NOX4: variants seen among roughly 807,000 people sequenced by gnomAD.
NOX4 encodes NADPH oxidase 4.
In NOX4, 69 loss-of-function variants were observed where a neutral mutation model predicts 87.6. The observed-to-expected ratio is 0.79, with a 90% confidence interval of 0.65 to 0.96. The LOEUF is 0.96. Among genes scored for constraint, NOX4 ranks in the 40% least tolerant of loss-of-function variants. NOX4 has a pLI of 0.00. For missense variants in NOX4, 680 were observed against 681.5 expected, an observed-to-expected ratio of 1.00 and a Z score of 0.02; for synonymous variants, 275 against 238.2, an observed-to-expected ratio of 1.15 and a Z score of -1.42.
chr11:89,583,897 A>C, the NOX4 span, among the ~76,000 whole-genome samples: 1 of 152,208 alleles, frequency 6.6e-6, no homozygotes, highest in Admixed American at 6.6e-5. Context: ...GGAATGGATA[A>C]ATGAATGCAA....
At chr11:89,381,337 C>T (rs1008713370) in intron 11 of NOX4, among the ~76,000 whole-genome samples, 4 of 152,092 alleles carry the variant, frequency 2.6e-5, no homozygotes, top group Admixed American at 6.6e-5. Context: ...TGCACGTATA[C>T]ATCCAGATGG....
Position 89,325,631 on chromosome 11 carries a change from A to T in NOX4, c.*1125T>A, listed in dbSNP as rs1198486200. 1 of 152,056 alleles carries T rather than the reference A, an allele frequency of 6.6e-6. No homozygotes were observed. Among genetic ancestry groups the T allele is most frequent in the Non-Finnish European group, 1.5e-5 (1 of 68,020 alleles). The allele number at this position is 152,056 out of a possible 1,614,324, so 9.4% of individuals were successfully genotyped here. A position where few individuals can be genotyped will look rare whatever the true frequency, so the allele number is the denominator to read the frequency against. On this transcript the variant is annotated 3_prime_UTR_variant, in exon 18 of 18. Coordinates refer to ENST00000263317, the MANE Select transcript of NOX4 (RefSeq NM_016931.5). Reference sequence around the variant, plus strand: ...AATATCATATTTCCTCTTACTTAAAAGGTAAAATACAGGTTTTACTGTTCA... The same window carrying T: ...AATATCATATTTCCTCTTACTTAAATGGTAAAATACAGGTTTTACTGTTCA...
chr11:89,439,840 A>G (rs528094441), intron 6 of NOX4, among the ~76,000 whole-genome samples: 1 of 152,362 alleles, frequency 6.6e-6, no homozygotes, highest in South Asian at 2.1e-4. Flanking sequence ...TTGAAAAGGA[A>G]AAATAAATTA....
At chr11:89,422,977 C>A (rs1315884984) in intron 7 of NOX4, among the ~76,000 whole-genome samples, 2 of 151,514 alleles carry the variant, frequency 1.3e-5, no homozygotes, top group Non-Finnish European at 3.0e-5. Flanking sequence ...TATTTGCATT[C>A]TTGGTAGAGA....
chr11:89,425,636 A>G (rs1454508422), intron 7 of NOX4, among the ~76,000 whole-genome samples: 2 of 152,046 alleles, frequency 1.3e-5, no homozygotes, highest in African/African-American at 4.8e-5. Context: ...TATGTATATA[A>G]GAGAGAAAAA....
chr11:89,451,892 C>T lies in NOX4; in HGVS notation c.157G>A (p.Gly53Arg). 6.2e-7 allele frequency: 1 copy of T among 1,609,064 alleles called. No homozygotes were observed. The highest frequency in any genetic ancestry group is 8.5e-7 in the Non-Finnish European group (1 of 1,175,756). Reference sequence around the variant, plus strand: ...GCTGAGGCTCTGCTTAGACACAATCCTAGCTGAACAAATAAGGCAAGGTCA... The same window carrying T: ...GCTGAGGCTCTGCTTAGACACAATCTTAGCTGAACAAATAAGGCAAGGTCA... Reference protein sequence around the residue: ...YHYLHQMLGLGLCLSRASASV... With the variant: ...YHYLHQMLGLRLCLSRASASV... The change falls in exon 3 of 18, where the codon GGA (glycine) becomes AGA (arginine). Residue 53 changes from glycine (G) to arginine (R), a missense_variant. By Grantham distance (125) the Gly-to-Arg change is moderately radical (BLOSUM62 -2). Transcript: ENST00000263317.
At chr11:89,470,831 G>T (rs939883407) in intron 2 of NOX4, among the ~76,000 whole-genome samples, 15 of 152,060 alleles carry the variant, frequency 9.9e-5, no homozygotes, top group Non-Finnish European at 1.9e-4. Context: ...CCTCAGTTTA[G>T]CTCCCAGATG....
At chr11:89,438,516 T>TATATATA (rs1313652699) in intron 6 of NOX4, among the ~76,000 whole-genome samples, 18 of 90,028 alleles carry the variant, frequency 2.0e-4, no homozygotes, top group African/African-American at 8.8e-4. Flanking sequence ...TATTATATAC[T>TATATATA]ATATATACTA....
intron 12 of NOX4, 37 bp from the exon 13 acceptor site, chr11:89,355,080 A>G: frequency 2.8e-6 from 4 of 1,414,764 alleles, no homozygotes; most frequent in Non-Finnish European, 4.0e-6. Flanking sequence ...CTGTGAAAAG[A>G]TAAAAGTCAT....
intron 7 of NOX4, among the ~76,000 whole-genome samples, chr11:89,429,864 A>T (rs1054700770): frequency 6.6e-6 from 1 of 152,262 alleles, no homozygotes; most frequent in African/African-American, 2.4e-5. Flanking sequence ...TAAGGCCAGC[A>T]TCATCCTAAT....
chr11:89,480,590 T>C (rs1946354311), intron 2 of NOX4, among the ~76,000 whole-genome samples: 1 of 152,088 alleles, frequency 6.6e-6, no homozygotes, highest in African/African-American at 2.4e-5. Flanking sequence ...ACAGCTCCTA[T>C]TATGGAATAG....
chr11:89,462,894 CA>C (rs1271662733), intron 2 of NOX4, among the ~76,000 whole-genome samples: 1 of 151,280 alleles, frequency 6.6e-6, no homozygotes, highest in Admixed American at 6.6e-5. Flanking sequence ...AGGAGAAACT[CA>C]AAATTCACAA....
Position 89,411,112 on chromosome 11 carries a change from C to G in NOX4, c.630-8570G>C, listed in dbSNP as rs369400725. Among the ~76,000 whole-genome samples the G allele has an allele frequency of 2.4e-4, 36 of 152,256 alleles. No homozygotes were observed. The South Asian group carries it at 7.2e-3, about 31-fold the overall frequency. On this transcript the variant is annotated intron_variant, in intron 8 of 17. Transcript: ENST00000263317. The stretch of plus-strand genomic sequence containing the variant: ...CTAACTGTCAAATGACATTTCTAGA[C>G]ACACCCTGGGCAAGCAAGAAACTTG...
chr11:89,475,668 G>A (rs1416478471), intron 2 of NOX4, among the ~76,000 whole-genome samples: 1 of 151,916 alleles, frequency 6.6e-6, no homozygotes, highest in Non-Finnish European at 1.5e-5. Context: ...GGATAGGACA[G>A]GACAGGACAG....
intron 2 of NOX4, among the ~76,000 whole-genome samples, chr11:89,460,706 G>T (rs1289595108): frequency 6.6e-6 from 1 of 152,158 alleles, no homozygotes; most frequent in Admixed American, 6.5e-5. Flanking sequence ...TTACACTGTT[G>T]GTGGGACTGT....
At chr11:89,531,864 C>T in the NOX4 span, among the ~76,000 whole-genome samples, 1 of 152,224 alleles carries the variant, frequency 6.6e-6, no homozygotes, top group South Asian at 2.1e-4. Context: ...GGACAGGATG[C>T]CCTGTGGCCC....
At chr11:89,475,313 AAC>A (rs1264571565) in intron 2 of NOX4, among the ~76,000 whole-genome samples, 5 of 152,068 alleles carry the variant, frequency 3.3e-5, no homozygotes, top group African/African-American at 9.6e-5. Flanking sequence ...GTAAATATAA[AAC>A]AGTTATAAGA....
intron 2 of NOX4, among the ~76,000 whole-genome samples, chr11:89,466,933 G>A (rs1945720340): frequency 6.6e-6 from 1 of 152,114 alleles, no homozygotes. Context: ...ATGAAAACAT[G>A]GTGTATATGT....
At chr11:89,341,710 T>C (rs1463565490) in intron 14 of NOX4, among the ~76,000 whole-genome samples, 1 of 152,194 alleles carries the variant, frequency 6.6e-6, no homozygotes, top group African/African-American at 2.4e-5. Flanking sequence ...GTCTTCCCAA[T>C]ACCTGTAAGA....
Sources: gnomAD v4.1 joint callset for allele counts (sites outside exome capture counted in the v4.1 genomes callset) on GRCh38, gnomAD v4.1.1 for gene constraint, MANE v1.5 for transcripts, NCBI Gene and HGNC (gene_info 2026-07-23, HGNC 2026-07-21) for gene names.